MYRFL: variants seen among roughly 807,000 people sequenced by gnomAD.
The protein encoded by MYRFL is myelin regulatory factor like, also known as myelin regulatory factor-like protein.
A neutral mutation model predicts 109.4 loss-of-function variants in MYRFL; 88 were observed. That is an observed-to-expected ratio of 0.80 (90% CI 0.68 to 0.96). The LOEUF (loss-of-function observed/expected upper bound fraction) is 0.96, where lower values mean the gene tolerates loss of function less well. MYRFL is among the 40% of genes least tolerant of loss of function. MYRFL has a pLI of 0.00. For missense variants in MYRFL, 957 were observed against 954.9 expected, an observed-to-expected ratio of 1.00 and a Z score of -0.03; for synonymous variants, 324 against 320.9, an observed-to-expected ratio of 1.01 and a Z score of -0.10.
chr12:69,842,019 G>T (rs1026535747), intron 1 of MYRFL, among the ~76,000 whole-genome samples: 1 of 152,144 alleles, frequency 6.6e-6, no homozygotes, highest in Admixed American at 6.5e-5. Context: ...CTTATCCTGG[G>T]TTACACAGCT....
intron 21 of MYRFL, 50 bp downstream of exon 21, chr12:69,952,936 G>A: frequency 3.0e-6 from 4 of 1,324,556 alleles, no homozygotes; most frequent in Non-Finnish European, 4.1e-6. Flanking sequence ...ATTTACCCAT[G>A]GCTCTGGGTT....
intron 2 of MYRFL, among the ~76,000 whole-genome samples, chr12:69,878,483 A>T (rs190017252): frequency 6.5e-4 from 99 of 152,224 alleles, no homozygotes; most frequent in African/African-American, 2.3e-3. Flanking sequence ...GTAATTATTT[A>T]AAAAATTTTA....
intron 19 of MYRFL, among the ~76,000 whole-genome samples, chr12:69,939,104 G>C (rs540801095): frequency 0.013 from 1,929 of 152,302 alleles, 26 homozygotes; most frequent in Non-Finnish European, 0.017. Flanking sequence ...AGGCGGCAGC[G>C]AGGCTGGGGG....
chr12:69,891,237 A>G, intron 7 of MYRFL, 71 bp downstream of exon 7: 1 of 1,135,992 alleles, frequency 8.8e-7, no homozygotes, highest in Admixed American at 3.4e-5. Context: ...TTGCTGCATG[A>G]CAAACTATCC....
intron 2 of MYRFL, among the ~76,000 whole-genome samples, chr12:69,866,171 T>A (rs556872877): frequency 1.3e-5 from 2 of 152,234 alleles, no homozygotes; most frequent in Admixed American, 6.5e-5. Flanking sequence ...ATACATGAAA[T>A]GTGTCTAAAA....
intron 11 of MYRFL, chr12:69,904,513 T>C (rs1954292945): frequency 6.6e-6 from 1 of 152,234 alleles, no homozygotes. Flanking sequence ...AAAAGCTTAA[T>C]CTCCTTGAAC....
chr12:69,835,943 A>G (rs1308740987), intron 1 of MYRFL, among the ~76,000 whole-genome samples: 1 of 152,128 alleles, frequency 6.6e-6, no homozygotes, highest in Non-Finnish European at 1.5e-5. Flanking sequence ...GGCTTGTGTT[A>G]ACCACCTCAA....
At chr12:69,863,530 T>C (rs1380374928) in intron 2 of MYRFL, among the ~76,000 whole-genome samples, 1 of 152,226 alleles carries the variant, frequency 6.6e-6, no homozygotes, top group Non-Finnish European at 1.5e-5. Context: ...ATTTTACCAC[T>C]TCACATGAAA....
intron 12 of MYRFL, 26 bp from the exon 13 acceptor site, chr12:69,910,795 A>C: frequency 6.9e-7 from 1 of 1,453,996 alleles, no homozygotes; most frequent in East Asian, 2.5e-5. Context: ...TTTGAAGATT[A>C]AACCTGTGGA....
At chr12:69,952,927 T>C (rs1956016575) in intron 21 of MYRFL, 41 bp downstream of exon 21, 1 of 1,396,436 alleles carries the variant, frequency 7.2e-7, no homozygotes, top group South Asian at 1.3e-5. Context: ...GTTTCTGGAA[T>C]TTACCCATGG....
intron 2 of MYRFL, among the ~76,000 whole-genome samples, chr12:69,866,689 G>C (rs1177087863): frequency 2.0e-5 from 3 of 152,106 alleles, no homozygotes; most frequent in Non-Finnish European, 4.4e-5. Context: ...AGAGACCACT[G>C]GGCTGCAAAA....
chr12:69,912,929 A>G (rs1276065507), intron 13 of MYRFL, among the ~76,000 whole-genome samples: 1 of 152,190 alleles, frequency 6.6e-6, no homozygotes, highest in Non-Finnish European at 1.5e-5. Flanking sequence ...AACAGTTCCC[A>G]AAGATTCCAG....
intron 7 of MYRFL, among the ~76,000 whole-genome samples, chr12:69,892,958 A>G (rs574500298): frequency 1.1e-4 from 17 of 152,356 alleles, no homozygotes; most frequent in African/African-American, 4.1e-4. Flanking sequence ...ATTGTTCACA[A>G]AGATAATATA....
At chr12:69,907,612 C>G (rs1340152741) in intron 11 of MYRFL, among the ~76,000 whole-genome samples, 2 of 152,204 alleles carry the variant, frequency 1.3e-5, no homozygotes, top group Non-Finnish European at 2.9e-5. Context: ...TTGACCCTCT[C>G]TCTTCAATTC....
intron 1 of MYRFL, among the ~76,000 whole-genome samples, chr12:69,846,668 G>A (rs1592694674): frequency 6.6e-6 from 1 of 152,138 alleles, no homozygotes. Context: ...ACGTGTCCAT[G>A]TGTCTTTATA....
chr12:69,920,993 A>T (rs1171321558), intron 13 of MYRFL, among the ~76,000 whole-genome samples: 9 of 152,206 alleles, frequency 5.9e-5, no homozygotes, highest in African/African-American at 2.2e-4. Flanking sequence ...TCTCATTAGA[A>T]AATTTTGGTG....
At chr12:69,855,823 G>C (rs1884244292) in intron 2 of MYRFL, among the ~76,000 whole-genome samples, 1 of 151,294 alleles carries the variant, frequency 6.6e-6, no homozygotes, top group Non-Finnish European at 1.5e-5. Flanking sequence ...AAGTTTATCA[G>C]TTTTTTTAAT....
At chr12:69,952,205 T>G in intron 20 of MYRFL, 30 bp downstream of exon 20, 1 of 1,532,994 alleles carries the variant, frequency 6.5e-7, no homozygotes, top group East Asian at 2.4e-5. Flanking sequence ...ACACTATTCT[T>G]TGGCTTTGCG....
chr12:69,926,797 T>G (rs1955099591), intron 14 of MYRFL, 63 bp downstream of exon 14: 1 of 1,285,980 alleles, frequency 7.8e-7, no homozygotes, highest in African/African-American at 1.5e-5. Flanking sequence ...CTTTCCAGAA[T>G]AAGATCAATC....
Sources: allele counts gnomAD v4.1 joint callset (sites outside exome capture counted in the v4.1 genomes callset), GRCh38; gene constraint gnomAD v4.1.1; transcripts MANE v1.5; gene names NCBI Gene and HGNC (gene_info 2026-07-23, HGNC 2026-07-21).